The following TSPAN1 variants were observed in gnomAD, a reference collection of about 807,000 sequenced individuals.
TSPAN1 encodes tetraspanin 1.
In TSPAN1, 23 loss-of-function variants were observed where a neutral mutation model predicts 26.9. That is an observed-to-expected ratio of 0.85 (90% CI 0.62 to 1.21). The LOEUF (loss-of-function observed/expected upper bound fraction) is 1.21, where lower values mean the gene tolerates loss of function less well. Among genes scored for constraint, TSPAN1 ranks in the 50% most tolerant of loss-of-function variants. The probability of loss-of-function intolerance (pLI) is 0.00; values close to 1 mark genes in which losing one functional copy is unlikely to be tolerated. For missense variants in TSPAN1, 283 were observed against 298.4 expected (o/e 0.95, Z 0.38); for synonymous variants, 115 against 114.8 (o/e 1.00, Z -0.01).
At chr1:46,180,103 C>T (rs374233794) in intron 1 of TSPAN1, among the ~76,000 whole-genome samples, 12 of 152,256 alleles carry the variant, frequency 7.9e-5, no homozygotes, top group Admixed American at 2.0e-4. Context: ...TGTGTGCGCA[C>T]GGACGCACAC....
chr1:46,184,038 CTA>C (rs1657369015), intron 3 of TSPAN1, 151 bp from the exon 4 acceptor site: 1 of 757,542 alleles, frequency 1.3e-6, no homozygotes, highest in African/African-American at 1.7e-5. Context: ...TTTTCTGGCT[CTA>C]GAGGATGTTT....
chr1:46,185,497 G>A lies in TSPAN1; in HGVS notation c.690G>A (p.Met230Ile), dbSNP rs34463133. ...TCCTCCCTCTCCAGCTGGCTGCCAT[G>A]ATTGTGTCCATGTATCTGTACTGCA... ...AGIGGLELAA[M>I]IVSMYLYCNL... The change falls in exon 9 of 9, where the codon ATG (methionine) becomes ATA (isoleucine). Residue 230 changes from methionine (M) to isoleucine (I), a missense_variant. Physicochemically the swap from Met to Ile is conservative, Grantham distance 10. Transcript: ENST00000372003. 4,599 of 1,614,208 alleles carry A rather than the reference G, an allele frequency of 2.8e-3. 17 individuals carry two copies. The highest frequency in any genetic ancestry group is 3.4e-3 in the South Asian group (311 of 91,084).
chr1:46,176,444 G>GGCCAC, intron 1 of TSPAN1: 3 of 1,535,774 alleles, frequency 2.0e-6, no homozygotes, highest in Non-Finnish European at 2.6e-6. Context: ...TGGGGCCGAG[G>GGCCAC]GCCACGGACA....
downstream of TSPAN1, chr1:46,190,456 A>G (rs754803910): frequency 3.2e-6 from 5 of 1,575,494 alleles, no homozygotes; most frequent in East Asian, 2.2e-5. Context: ...CTACACCCCA[A>G]TTGTCCTAGG....
chr1:46,183,912 G>A (rs1006975119), intron 3 of TSPAN1: 10 of 513,888 alleles, frequency 1.9e-5, no homozygotes, highest in Non-Finnish European at 3.2e-5. Flanking sequence ...CCTGGCAGCA[G>A]TGAGGGAAAG....
At chr1:46,193,055 A>G in the TSPAN1 span, 2 of 1,602,932 alleles carry the variant, frequency 1.2e-6, no homozygotes, top group South Asian at 2.2e-5. Context: ...CATTACCCCC[A>G]TTTTCCAGAT....
Position 46,184,620 on chromosome 1 carries a change from C to A in TSPAN1, c.291C>A (p.Phe97Leu). ...TCTTCTTCATCCTCCTCCTCATCTT[C>A]ATTGCTGAGGTTGCAGCTGCTGTGG... is the stretch of plus-strand genomic sequence containing the variant. ...VTFFFILLLI[F>L]IAEVAAAVVA... The change falls in exon 5 of 9, where the codon TTC becomes TTA. Residue 97 changes from phenylalanine (F) to leucine (L), a missense_variant. Phe to Leu is a conservative substitution (Grantham distance 22). Coordinates refer to ENST00000372003, the MANE Select transcript of TSPAN1 (RefSeq NM_005727.4). 1 of 1,614,218 alleles carries A rather than the reference C, an allele frequency of 6.2e-7. No homozygotes were observed. Among genetic ancestry groups the A allele is most frequent in the African/African-American group, 1.3e-5 (1 of 75,052 alleles).
the TSPAN1 span, chr1:46,192,329 G>A: frequency 1.9e-6 from 3 of 1,614,132 alleles, no homozygotes; most frequent in South Asian, 2.2e-5. Flanking sequence ...TAGGCCACTT[G>A]GGCTCAAGCT....
At chr1:46,181,963 C>G (rs1657323209) in intron 3 of TSPAN1, among the ~76,000 whole-genome samples, 1 of 152,008 alleles carries the variant, frequency 6.6e-6, no homozygotes, top group Non-Finnish European at 1.5e-5. Flanking sequence ...AGGCGTAAAT[C>G]CTGGAGATGG....
At chr1:46,184,488 C>G in intron 4 of TSPAN1, 91 bp downstream of exon 4, 1 of 1,605,238 alleles carries the variant, frequency 6.2e-7, no homozygotes. Context: ...GCTTTGGACC[C>G]CCCTAGGCTC....
chr1:46,185,705 C>G lies in TSPAN1; in HGVS notation c.*172C>G. ...CTAGATAGGGACCACTCCTTTTAGG[C>G]GATGCCTGACTTTCCTTCCATTGGT... On this transcript the variant is annotated 3_prime_UTR_variant, in exon 9 of 9. Transcript: ENST00000372003. 2.8e-6 allele frequency: 2 copies of G among 707,626 alleles called. No homozygotes were observed. Among genetic ancestry groups the G allele is most frequent in the Non-Finnish European group, 4.8e-6 (2 of 419,286 alleles). 43.8% of individuals were successfully genotyped at this position (707,626 alleles called of 1,614,324 possible).
Position 46,184,312 on chromosome 1 carries a change from T to C in TSPAN1, c.179T>C (p.Leu60Pro). Residue 60 changes from leucine (L) to proline (P), a missense_variant, in exon 4 of 9, where the codon CTC (leucine) becomes CCC (proline). Coordinates refer to ENST00000372003, the MANE Select transcript of TSPAN1 (RefSeq NM_005727.4). ...AMQFVNVGYF[L>P]IAAGVVVFAL... The stretch of plus-strand genomic sequence containing the variant: ...CAGTTTGTCAACGTGGGCTACTTCC[T>C]CATCGCAGCCGGCGTTGTGGTCTTT... 1 of 1,614,220 alleles carries C rather than the reference T, an allele frequency of 6.2e-7. No individual in the cohort carries two copies.
the TSPAN1 span, chr1:46,192,513 C>A: frequency 5.6e-6 from 9 of 1,614,170 alleles, no homozygotes; most frequent in South Asian, 7.7e-5. Flanking sequence ...GTCATTCCAG[C>A]CTACCTGGTC....
chr1:46,180,927 T>C (rs1408523327), intron 2 of TSPAN1, among the ~76,000 whole-genome samples, 173 bp from the exon 3 acceptor site: 1 of 151,806 alleles, frequency 6.6e-6, no homozygotes, highest in East Asian at 1.9e-4. Context: ...GGTAAGGGTG[T>C]TAGGATAGAA....
Position 46,182,304 on chromosome 1 carries a change from C to CAAAAATAAAAAAAAAAAAAAAAAAA in TSPAN1, c.57+1145_57+1146insTAAAAAAAAAAAAAAAAAAAAAAAA, listed in dbSNP as rs1657330214. ...GGAAACCCAATTTATTAGGGATAAG[C>CAAAAATAAAAAAAAAAAAAAAAAAA]AAAAAAAAAAAAAGCCACTGTGAAG... On this transcript the variant is annotated intron_variant, in intron 3 of 8. Coordinates refer to ENST00000372003, the MANE Select transcript of TSPAN1 (RefSeq NM_005727.4). Among the ~76,000 whole-genome samples, 2 of 30,162 alleles carry CAAAAATAAAAAAAAAAAAAAAAAAA rather than the reference C, an allele frequency of 6.6e-5. 1 individual carries two copies. Among genetic ancestry groups the CAAAAATAAAAAAAAAAAAAAAAAAA allele is most frequent in the Non-Finnish European group, 1.2e-4 (2 of 16,152 alleles). The allele number at this position is 30,162 out of a possible 152,430, so 19.8% of individuals were successfully genotyped here. A position where few individuals can be genotyped will look rare whatever the true frequency, so the allele number is the denominator to read the frequency against.
At chr1:46,177,215 G>A (rs1191273488) in intron 1 of TSPAN1, among the ~76,000 whole-genome samples, 2 of 151,910 alleles carry the variant, frequency 1.3e-5, no homozygotes, top group African/African-American at 4.8e-5. Context: ...GGTGCCTGTA[G>A]TCCCAGCTAC....
downstream of TSPAN1, chr1:46,188,595 A>G: frequency 6.8e-7 from 1 of 1,464,382 alleles, no homozygotes. Context: ...GAGGACAGTA[A>G]GGAAAACTCA....
At chr1:46,189,448 G>A, downstream of TSPAN1, 2 of 1,613,450 alleles carry the variant, frequency 1.2e-6, no homozygotes, top group Non-Finnish European at 1.7e-6. Context: ...GGCAGAAAAG[G>A]GTCACTCACG....
rs1657399663 is a variant in TSPAN1, at chr1:46,185,129, T to C, written c.594+14T>C. 1.9e-6 allele frequency: 3 copies of C among 1,614,080 alleles called. No homozygotes were observed. Among genetic ancestry groups the C allele is most frequent in the South Asian group, 1.1e-5 (1 of 91,074 alleles). ...CAAAAAGTAGAGGTGTGGGCTGGCA[T>C]GAGTGGGTGGGGACTGTTTTCATGG... On this transcript the variant is annotated intron_variant, in intron 7 of 8. Coordinates refer to ENST00000372003, the MANE Select transcript of TSPAN1 (RefSeq NM_005727.4).
Sources: gnomAD v4.1 joint callset for allele counts (sites outside exome capture counted in the v4.1 genomes callset) on GRCh38, gnomAD v4.1.1 for gene constraint, MANE v1.5 for transcripts, NCBI Gene and HGNC (gene_info 2026-07-23, HGNC 2026-07-21) for gene names.